SOX5: variants seen among roughly 807,000 people sequenced by gnomAD.
The protein encoded by SOX5 is transcription factor SOX-5.
A neutral mutation model predicts 92.0 loss-of-function variants in SOX5; 9 were observed. That is an observed-to-expected ratio of 0.10 (90% CI 0.06 to 0.17). The LOEUF is 0.17. Among genes scored for constraint, SOX5 ranks in the 10% least tolerant of loss-of-function variants. The probability of loss-of-function intolerance (pLI) is 1.00; values close to 1 mark genes in which losing one functional copy is unlikely to be tolerated. For synonymous variants in SOX5, 344 were observed against 336.3 expected (o/e 1.02, Z -0.25); for missense variants, 642 against 944.5 (o/e 0.68, Z 4.20).
intron 1 of SOX5, among the ~76,000 whole-genome samples, chr12:23,919,691 A>C (rs1203487869): frequency 2.0e-5 from 3 of 152,150 alleles, no homozygotes; most frequent in Non-Finnish European, 4.4e-5. Context: ...AAGTGAAGTG[A>C]TTTGCCTGAA....
At chr12:24,098,811 TC>T (rs1202426144) in intron 4 of SOX5, among the ~76,000 whole-genome samples, 2 of 152,090 alleles carry the variant, frequency 1.3e-5, no homozygotes, top group Non-Finnish European at 2.9e-5. Context: ...AGGAGCTAAT[TC>T]CCCACCAGAA....
At chr12:24,541,108 AG>A (rs1417841817) in intron 1 of SOX5, among the ~76,000 whole-genome samples, 1 of 152,226 alleles carries the variant, frequency 6.6e-6, no homozygotes, top group Non-Finnish European at 1.5e-5. Context: ...AAATCTGGCA[AG>A]AGCTCACTGT....
At chr12:23,583,851 T>C (rs1341549194) in intron 9 of SOX5, among the ~76,000 whole-genome samples, 1 of 152,180 alleles carries the variant, frequency 6.6e-6, no homozygotes, top group Non-Finnish European at 1.5e-5. Context: ...GCATTTGTCA[T>C]TGTTGCTTTC....
At chr12:23,975,350 A>T (rs1050700388) in intron 4 of SOX5, among the ~76,000 whole-genome samples, 5 of 151,910 alleles carry the variant, frequency 3.3e-5, no homozygotes, top group African/African-American at 7.3e-5. Flanking sequence ...CTTTTTTTAA[A>T]AAAAAAAATT....
chr12:23,731,404 T>C (rs1431645128), intron 6 of SOX5, among the ~76,000 whole-genome samples: 3 of 152,202 alleles, frequency 2.0e-5, no homozygotes, highest in Admixed American at 2.0e-4. Context: ...ATATCATCCA[T>C]ATCTATATCT....
At chr12:24,427,634 C>A (rs2137009615) in intron 1 of SOX5, among the ~76,000 whole-genome samples, 1 of 152,306 alleles carries the variant, frequency 6.6e-6, no homozygotes, top group South Asian at 2.1e-4. Flanking sequence ...ACAGCATTAT[C>A]TAAAAATGGC....
chr12:24,097,105 G>A (rs7958759), intron 4 of SOX5, among the ~76,000 whole-genome samples: 54,428 of 151,916 alleles, frequency 0.36, 10,572 homozygotes, highest in East Asian at 0.63. Context: ...GTATCTCATC[G>A]TGGTTTTGAT....
At chr12:24,447,060 A>C (rs1413584929) in intron 1 of SOX5, among the ~76,000 whole-genome samples, 1 of 152,210 alleles carries the variant, frequency 6.6e-6, no homozygotes, top group Admixed American at 6.5e-5. Context: ...GAGAGAAGAG[A>C]CTAATCTCCA....
At chr12:24,437,049 C>T (rs1044456063) in intron 1 of SOX5, among the ~76,000 whole-genome samples, 1 of 152,192 alleles carries the variant, frequency 6.6e-6, no homozygotes, top group Non-Finnish European at 1.5e-5. Context: ...AATATTACTG[C>T]TCATTAACAA....
chr12:24,483,483 T>C (rs1462717690), intron 1 of SOX5, among the ~76,000 whole-genome samples: 1 of 152,238 alleles, frequency 6.6e-6, no homozygotes, highest in Non-Finnish European at 1.5e-5. Flanking sequence ...GAGGGCAGTC[T>C]TGTTAATCAA....
chr12:23,692,232 A>C (rs1276455606), intron 6 of SOX5, among the ~76,000 whole-genome samples: 1 of 152,002 alleles, frequency 6.6e-6, no homozygotes, highest in Non-Finnish European at 1.5e-5. Context: ...CAGGAGTTAG[A>C]GACCAGCACG....
intron 4 of SOX5, among the ~76,000 whole-genome samples, chr12:24,106,995 G>C (rs894211603): frequency 9.2e-5 from 14 of 151,930 alleles, no homozygotes; most frequent in Non-Finnish European, 1.6e-4. Context: ...AGGTAAAGAA[G>C]AATCCTAGAA....
intron 3 of SOX5, among the ~76,000 whole-genome samples, chr12:23,777,707 A>G (rs575769025): frequency 2.3e-4 from 35 of 152,312 alleles, no homozygotes; most frequent in African/African-American, 8.2e-4. Context: ...GCAGAGTCAC[A>G]CTATACAAAC....
intron 6 of SOX5, among the ~76,000 whole-genome samples, chr12:23,711,725 G>C (rs892220077): frequency 6.6e-6 from 1 of 152,062 alleles, no homozygotes; most frequent in Non-Finnish European, 1.5e-5. Context: ...AATGGAACTA[G>C]AAAGCTTAAA....
At chr12:23,693,187 G>A (rs569225145) in intron 6 of SOX5, among the ~76,000 whole-genome samples, 24 of 152,192 alleles carry the variant, frequency 1.6e-4, no homozygotes, top group African/African-American at 5.3e-4. Flanking sequence ...CAAGTGGCAC[G>A]ATCTCGGCTC....
At chr12:23,678,034 G>C (rs1033327785) in intron 6 of SOX5, among the ~76,000 whole-genome samples, 6 of 152,046 alleles carry the variant, frequency 3.9e-5, no homozygotes, top group African/African-American at 1.4e-4. Flanking sequence ...CATAGCTAAG[G>C]ACACACTAGC....
chr12:24,527,959 G>T (rs1483791026), intron 1 of SOX5, among the ~76,000 whole-genome samples: 1 of 152,212 alleles, frequency 6.6e-6, no homozygotes, highest in Non-Finnish European at 1.5e-5. Flanking sequence ...TTTCCTTAGA[G>T]ACACATCACT....
At chr12:23,743,185 T>C (rs973740160) in intron 4 of SOX5, among the ~76,000 whole-genome samples, 1 of 152,176 alleles carries the variant, frequency 6.6e-6, no homozygotes, top group Non-Finnish European at 1.5e-5. Flanking sequence ...AAATGAAACA[T>C]TTGTATACTC....
At chr12:24,381,535 C>T (rs1386294027) in intron 1 of SOX5, among the ~76,000 whole-genome samples, 5 of 152,164 alleles carry the variant, frequency 3.3e-5, no homozygotes, top group African/African-American at 1.2e-4. Context: ...CACCTTATAG[C>T]CAGTGGATGG....
Sources: allele counts gnomAD v4.1 joint callset (sites outside exome capture counted in the v4.1 genomes callset), GRCh38; gene constraint gnomAD v4.1.1; transcripts MANE v1.5; gene names NCBI Gene and HGNC (gene_info 2026-07-23, HGNC 2026-07-21).